The following PNPLA6 variants were observed in gnomAD, a reference collection of about 807,000 sequenced individuals.
The protein encoded by PNPLA6 is patatin like domain 6, lysophospholipase, also known as patatin-like phospholipase domain-containing protein 6.
A neutral mutation model predicts 153.7 loss-of-function variants in PNPLA6; 105 were observed. The ratio of observed to expected loss-of-function variants is 0.68; its 90% CI spans 0.58 to 0.80. The LOEUF is 0.80. PNPLA6 is among the 30% of genes least tolerant of loss of function. The pLI is 0.00. For synonymous variants in PNPLA6, 825 were observed against 822.2 expected, an observed-to-expected ratio of 1.00 and a Z score of -0.06; for missense variants, 1,423 against 1,919.3, an observed-to-expected ratio of 0.74 and a Z score of 4.83.
Position 7,538,873 on chromosome 19 carries a change from C to T in PNPLA6, c.414-1045C>T, listed in dbSNP as rs192839459. On this transcript the variant is annotated intron_variant, in intron 3 of 31. Coordinates refer to ENST00000600737, the MANE Select transcript of PNPLA6 (RefSeq NM_001166114.2). ...TCTACTCTGTGACTACTGGAAGGACCGTTTCAGGACCCCCATGATAAACAC... is the reference window on the plus strand; with the variant it reads ...TCTACTCTGTGACTACTGGAAGGACTGTTTCAGGACCCCCATGATAAACAC... 2.7e-3 allele frequency among the ~76,000 whole-genome samples: 410 copies of T among 152,306 alleles called. 1 individual carries two copies. The highest frequency in any genetic ancestry group is 9.4e-3 in the African/African-American group (391 of 41,540).
At chr19:7,536,667 C>T (rs2022886661) in intron 3 of PNPLA6, 121 bp downstream of exon 3, 2 of 741,966 alleles carry the variant, frequency 2.7e-6, no homozygotes, top group Admixed American at 2.0e-5. Context: ...TGGCTCATGC[C>T]TGTAATTCCC....
rs528535483 is a variant in PNPLA6 at position 7,541,236 on chromosome 19, C to T, written c.925-118C>T. 378 of 1,109,160 alleles carry T rather than the reference C, an allele frequency of 3.4e-4. No individual in the cohort carries two copies. In the Middle Eastern group the frequency reaches 4.3e-3, roughly 13 times the overall value. The allele number at this position is 1,109,160 out of a possible 1,614,324, so 68.7% of individuals were successfully genotyped here. A position where few individuals can be genotyped will look rare whatever the true frequency, so the allele number is the denominator to read the frequency against. ...AGCTGCCTCGCCCCATTTCCCCAGA[C>T]TGTGGGTCTCTCCCTGGTTCCCGCC... On this transcript the variant is annotated intron_variant, in intron 7 of 31. Coordinates refer to ENST00000600737, the MANE Select transcript of PNPLA6 (RefSeq NM_001166114.2). The surrounding 1 kb of genome is among the most constrained non-coding windows in gnomAD (Gnocchi z 5.2).
At position 7,537,912 on chromosome 19, in the gene PNPLA6, T is replaced by G. The variant is rs77750284; in HGVS notation, c.413+1366T>G. ...GCCTCGGCCTCCTAAAGTGCTGGGA[T>G]TACAGGCATGAGCGACTGAGCCCGG... On this transcript the variant is annotated intron_variant, in intron 3 of 31. Transcript: ENST00000600737. 4.1e-3 allele frequency among the ~76,000 whole-genome samples: 622 copies of G among 152,230 alleles called. 10 individuals carry two copies. The East Asian group carries it at 0.048, about 12-fold the overall frequency.
chr19:7,558,234 C>G (rs1247602409), intron 27 of PNPLA6, among the ~76,000 whole-genome samples: 6 of 152,212 alleles, frequency 3.9e-5, no homozygotes, highest in Non-Finnish European at 7.3e-5. Flanking sequence ...CATATATGAA[C>G]AGACATGTAC....
chr19:7,552,622 G>A (rs1233134629), intron 18 of PNPLA6, among the ~76,000 whole-genome samples: 3 of 151,932 alleles, frequency 2.0e-5, no homozygotes, highest in East Asian at 3.8e-4. Context: ...GGGTGTGGTG[G>A]TGGGTGCCTG....
intron 26 of PNPLA6, chr19:7,556,956 A>G (rs1238268132): frequency 2.9e-6 from 2 of 693,448 alleles, no homozygotes; most frequent in Non-Finnish European, 5.2e-6. Flanking sequence ...CCCTCACGCC[A>G]TCCCCGCAGG....
chr19:7,557,553 G>A, intron 27 of PNPLA6: 1 of 488,838 alleles, frequency 2.0e-6, no homozygotes, highest in Non-Finnish European at 3.9e-6. Flanking sequence ...GAGGCCTGAG[G>A]TGGGTGGATC....
In PNPLA6 at chr19:7,555,848, C is replaced by CT; in HGVS notation, c.3093+86dup. 6.9e-7 allele frequency: 1 copy of CT among 1,443,684 alleles called. No individual in the cohort carries two copies. The highest frequency in any genetic ancestry group is 9.6e-7 in the Non-Finnish European group (1 of 1,038,400). The allele number at this position is 1,443,684 out of a possible 1,614,324, so 89.4% of individuals were successfully genotyped here. A position where few individuals can be genotyped will look rare whatever the true frequency, so the allele number is the denominator to read the frequency against. ...ACCTAACCTGATCCCATGGGGGAGC[C>CT]TCCGGGGTCAGGGTGACCCTTCCTG... On this transcript the variant is annotated intron_variant, in intron 24 of 31. Coordinates refer to ENST00000600737, the MANE Select transcript of PNPLA6 (RefSeq NM_001166114.2). This position sits in a 1 kb window ranked among gnomAD's most constrained non-coding sequence, Gnocchi z 6.3.
At chr19:7,556,778 G>A (rs2023897132) in intron 26 of PNPLA6, 54 bp downstream of exon 26, 1 of 1,296,248 alleles carries the variant, frequency 7.7e-7, no homozygotes, top group Non-Finnish European at 1.1e-6. Context: ...GGGGTTGGGG[G>A]GATGCTTCCG....
intron 28 of PNPLA6, 83 bp downstream of exon 28, chr19:7,559,234 G>A (rs2024010471): frequency 2.5e-6 from 3 of 1,194,416 alleles, no homozygotes; most frequent in Admixed American, 3.5e-5. Context: ...GTATGAGGGG[G>A]AGGAATCCAG....
Position 7,555,969 on chromosome 19 carries a change from C to T in PNPLA6, c.3093+206C>T, listed in dbSNP as rs932190636. 2.0e-5 allele frequency among the ~76,000 whole-genome samples: 3 copies of T among 151,824 alleles called. No homozygotes were observed. The highest frequency in any genetic ancestry group is 7.3e-5 in the African/African-American group (3 of 41,318). On this transcript the variant is annotated intron_variant, in intron 24 of 31. Coordinates refer to ENST00000600737, the MANE Select transcript of PNPLA6 (RefSeq NM_001166114.2). The surrounding 1 kb of genome is among the most constrained non-coding windows in gnomAD (Gnocchi z 6.3). ...GGACCTCCTGTCTACTGACCCTAAC[C>T]CATAACCCCCAACGAGAGCACCCAG...
intron 13 of PNPLA6, among the ~76,000 whole-genome samples, chr19:7,547,811 A>ATTT (rs71286227): frequency 6.9e-4 from 79 of 114,544 alleles, no homozygotes; most frequent in East Asian, 2.6e-3. Flanking sequence ...CTAATTAAAA[A>ATTT]TTTTTTTTTT....
chr19:7,549,180 T>C (rs2023528349), intron 13 of PNPLA6, among the ~76,000 whole-genome samples: 1 of 147,648 alleles, frequency 6.8e-6, no homozygotes, highest in African/African-American at 2.5e-5. Context: ...TCCTTCATGT[T>C]TCTTTTTTTT....
At chr19:7,560,970 C>A in intron 29 of PNPLA6, 44 bp from the exon 30 acceptor site, 1 of 1,346,838 alleles carries the variant, frequency 7.4e-7, no homozygotes. Flanking sequence ...GGCCCCAAGA[C>A]TCTGTGGGCC....
chr19:7,555,939 C>T lies in PNPLA6; in HGVS notation c.3093+176C>T, dbSNP rs2023860101. Among the ~76,000 whole-genome samples the T allele has an allele frequency of 6.6e-6, 1 of 152,030 alleles. No homozygotes were observed. The highest frequency in any genetic ancestry group is 2.1e-4 in the South Asian group (1 of 4,826). On this transcript the variant is annotated intron_variant, in intron 24 of 31. Transcript: ENST00000600737. The surrounding 1 kb of genome is among the most constrained non-coding windows in gnomAD (Gnocchi z 6.3). ...AAGCTTCTAGGACTCTGGGTAACCA[C>T]TTTGGGACCTCCTGTCTACTGACCC...
chr19:7,546,704 C>T (rs111932134), intron 13 of PNPLA6, among the ~76,000 whole-genome samples: 13,384 of 152,072 alleles, frequency 0.088, 961 homozygotes, highest in African/African-American at 0.2. Flanking sequence ...CCACTGCACC[C>T]GGCCTTATGT....
chr19:7,550,472 G>A, intron 15 of PNPLA6, 43 bp downstream of exon 15: 1 of 1,612,412 alleles, frequency 6.2e-7, no homozygotes, highest in Non-Finnish European at 8.5e-7. Flanking sequence ...CTAGGGGTGG[G>A]GACCTGGGGG....
Position 7,540,136 on chromosome 19 carries a change from G to A in PNPLA6, c.555-13G>A, listed in dbSNP as rs201099946. 255 of 1,612,888 alleles carry A rather than the reference G, an allele frequency of 1.6e-4. No homozygotes were observed. The highest frequency in any genetic ancestry group is 2.0e-4 in the Non-Finnish European group (237 of 1,180,002). Reference sequence around the variant, plus strand: ...TGACCTCCAGCCTCTGTCGCCCACCGCCTGTCCAACAGGGTGCTGGGCCAC... The same window carrying A: ...TGACCTCCAGCCTCTGTCGCCCACCACCTGTCCAACAGGGTGCTGGGCCAC... On this transcript the variant is annotated splice_polypyrimidine_tract_variant and intron_variant, in intron 4 of 31. Coordinates refer to ENST00000600737, the MANE Select transcript of PNPLA6 (RefSeq NM_001166114.2). The surrounding 1 kb of genome is among the most constrained non-coding windows in gnomAD (Gnocchi z 6.8).
Position 7,555,480 on chromosome 19 carries a change from G to C in PNPLA6, c.2936+113G>C, listed in dbSNP as rs978644233. 1.3e-5 allele frequency: 18 copies of C among 1,365,248 alleles called. No homozygotes were observed. Among genetic ancestry groups the C allele is most frequent in the Middle Eastern group, 2.5e-4 (1 of 4,034 alleles). The allele number at this position is 1,365,248 out of a possible 1,614,324, so 84.6% of individuals were successfully genotyped here. On this transcript the variant is annotated intron_variant, in intron 23 of 31. Coordinates refer to ENST00000600737, the MANE Select transcript of PNPLA6 (RefSeq NM_001166114.2). This position sits in a 1 kb window ranked among gnomAD's most constrained non-coding sequence, Gnocchi z 6.3. Reference sequence around the variant, plus strand: ...TGTTCGAGGGTGGAGCTTCCCCTCCGGGAGAGACCCCGTGGGTAGGGGCGG... The same window carrying C: ...TGTTCGAGGGTGGAGCTTCCCCTCCCGGAGAGACCCCGTGGGTAGGGGCGG...
Sources: allele counts gnomAD v4.1 joint callset (sites outside exome capture counted in the v4.1 genomes callset), GRCh38; gene constraint gnomAD v4.1.1; non-coding constraint Gnocchi (gnomAD v3.1); transcripts MANE v1.5; gene names NCBI Gene and HGNC (gene_info 2026-07-23, HGNC 2026-07-21).